Variants in TESC observed in about 807,000 individuals in gnomAD.
TESC encodes the protein calcineurin B homologous protein 3.
A neutral mutation model predicts 31.0 loss-of-function variants in TESC; 19 were observed. That is an observed-to-expected ratio of 0.61 (90% CI 0.43 to 0.90). TESC has a LOEUF of 0.90. Ranked by LOEUF, TESC falls within the 40% of genes least tolerant of loss-of-function variation. TESC has a pLI of 0.00. For synonymous variants in TESC, 109 were observed against 114.8 expected, an observed-to-expected ratio of 0.95 and a Z score of 0.32; for missense variants, 248 against 303.8, an observed-to-expected ratio of 0.82 and a Z score of 1.36.
intron 6 of TESC, among the ~76,000 whole-genome samples, chr12:117,046,017 T>C (rs1030104017): frequency 3.3e-5 from 5 of 152,308 alleles, no homozygotes; most frequent in Middle Eastern, 3.4e-3. Context: ...TGAGGCAAGA[T>C]GTAATAAATG....
chr12:117,079,752 C>T (rs1284068659), intron 1 of TESC, among the ~76,000 whole-genome samples: 1 of 152,040 alleles, frequency 6.6e-6, no homozygotes, highest in Non-Finnish European at 1.5e-5. Flanking sequence ...GAGACACTGT[C>T]AATGGGCACT....
intron 6 of TESC, among the ~76,000 whole-genome samples, chr12:117,043,523 G>A (rs1954515228): frequency 6.6e-6 from 1 of 152,120 alleles, no homozygotes; most frequent in Non-Finnish European, 1.5e-5. Flanking sequence ...GCAGTGGCGC[G>A]ATCTTGGCTC....
intron 2 of TESC, among the ~76,000 whole-genome samples, chr12:117,072,574 T>C (rs1445561916): frequency 6.6e-6 from 1 of 152,204 alleles, no homozygotes; most frequent in Non-Finnish European, 1.5e-5. Context: ...AATATGAACC[T>C]AAAGTTCACC....
At chr12:117,067,098 C>T (rs939516784) in intron 2 of TESC, among the ~76,000 whole-genome samples, 1 of 152,128 alleles carries the variant, frequency 6.6e-6, no homozygotes, top group African/African-American at 2.4e-5. Context: ...TTCTGGGCAT[C>T]TTTACAGCTA....
chr12:117,041,174 G>A (rs58470318), intron 7 of TESC, among the ~76,000 whole-genome samples: 57,338 of 152,096 alleles, frequency 0.38, 11,529 homozygotes, highest in African/African-American at 0.51. Context: ...AGCCATCAGG[G>A]AGGAGGGCAG....
intron 1 of TESC, among the ~76,000 whole-genome samples, chr12:117,091,865 G>T (rs552306780): frequency 4.6e-5 from 7 of 152,300 alleles, no homozygotes; most frequent in Admixed American, 1.3e-4. Flanking sequence ...AGGTTGTGGG[G>T]TAACAGCATG....
At position 117,048,369 on chromosome 12, in the gene TESC, T is replaced by C. The variant is rs542828252; in HGVS notation, c.349+650A>G. On this transcript the variant is annotated intron_variant, in intron 4 of 7. Coordinates refer to ENST00000335209, the MANE Select transcript of TESC (RefSeq NM_017899.4). ...CAGTGCTAAATATAGCGAAGTCCCA[T>C]GTTTACATTTTCTTGATGAGGAGGC... Among the ~76,000 whole-genome samples, 3 of 152,176 alleles carry C rather than the reference T, an allele frequency of 2.0e-5. No homozygotes were observed. The East Asian group carries it at 5.8e-4, about 29-fold the overall frequency.
rs1296967139 is a variant in TESC at position 117,075,909 on chromosome 12, A to ATG, written c.59-570_59-569insCA. ...TATATATATATATATATATATATAT[A>ATG]TATATGTGTGTGTGTATATATATAT... On this transcript the variant is annotated intron_variant, in intron 1 of 7. Coordinates refer to ENST00000335209, the MANE Select transcript of TESC (RefSeq NM_017899.4). 2.5e-3 allele frequency among the ~76,000 whole-genome samples: 153 copies of ATG among 61,256 alleles called. 8 individuals are homozygous for ATG. The highest frequency in any genetic ancestry group is 0.01 in the African/African-American group (103 of 9,916). The allele number at this position is 61,256 out of a possible 152,430, so 40.2% of individuals were successfully genotyped here. A position where few individuals can be genotyped will look rare whatever the true frequency, so the allele number is the denominator to read the frequency against.
intron 1 of TESC, among the ~76,000 whole-genome samples, chr12:117,098,850 T>C (rs984271124): frequency 1.3e-5 from 2 of 151,462 alleles, no homozygotes; most frequent in African/African-American, 4.8e-5. Context: ...CGCTCACGAA[T>C]GCAAACGACT....
At position 117,049,903 on chromosome 12, in the gene TESC, GAAAAAA is replaced by G. The variant is rs66797686; in HGVS notation, c.210-751_210-746del. Among the ~76,000 whole-genome samples the G allele has an allele frequency of 1.9e-4, 16 of 86,452 alleles. No individual in the cohort carries two copies. In the South Asian group the frequency reaches 4.0e-3, roughly 22 times the overall value. 56.7% of individuals were successfully genotyped at this position (86,452 alleles called of 152,430 possible). On this transcript the variant is annotated intron_variant, in intron 3 of 7. Coordinates refer to ENST00000335209, the MANE Select transcript of TESC (RefSeq NM_017899.4). The stretch of plus-strand genomic sequence containing the variant: ...GTGACAGAGGGAGACCCTGTCTCAA[GAAAAAA>G]AAAAAAAAAAAAAAAGGAAGAAGAG...
chr12:117,068,312 CT>C (rs1954915373), intron 2 of TESC, among the ~76,000 whole-genome samples: 1 of 152,084 alleles, frequency 6.6e-6, no homozygotes, highest in South Asian at 2.1e-4. Context: ...GGTGGATCAC[CT>C]GAGGTCAGGA....
In TESC at chr12:117,049,112, C is replaced by A; in HGVS notation, c.256G>T (p.Glu86Ter). 1 of 1,614,188 alleles carries A rather than the reference C, an allele frequency of 6.2e-7. No individual in the cohort carries two copies. The highest frequency in any genetic ancestry group is 8.5e-7 in the Non-Finnish European group (1 of 1,180,032). Residue 86 changes from glutamate to a stop codon, truncating the protein, a stop_gained, in exon 4 of 8, where the codon GAG becomes TAG. Transcript: ENST00000335209. LOFTEE classifies it high-confidence loss of function. ...TAGGACATGATGGTCAGGAAGTCCT[C>A]GAAATTGATCTCATCAGCCAGGCCA... ...PSGLADEINF[E>*]DFLTIMSYFR...
rs570698092 is a variant in TESC at position 117,042,260 on chromosome 12, G to A, written c.520-266C>T. ...TCGCTCACCAGGGCCCTGGCAACGT[G>A]TGGCTCAGAGCAGCCTCCCTCCCCT... On this transcript the variant is annotated intron_variant, in intron 6 of 7. Coordinates refer to ENST00000335209, the MANE Select transcript of TESC (RefSeq NM_017899.4). Among the ~76,000 whole-genome samples the A allele has an allele frequency of 1.4e-4, 21 of 152,220 alleles. No homozygotes were observed. The South Asian group carries it at 3.7e-3, about 27-fold the overall frequency.
chr12:117,080,647 G>T (rs1310121234), intron 1 of TESC, among the ~76,000 whole-genome samples: 2 of 152,190 alleles, frequency 1.3e-5, no homozygotes, highest in East Asian at 3.9e-4. Context: ...GAGAAAGGAT[G>T]ATTTCCGAAG....
At chr12:117,057,038 T>G (rs149348740) in intron 2 of TESC, 152 bp from the exon 3 acceptor site, 32 of 719,546 alleles carry the variant, frequency 4.4e-5, no homozygotes, top group Non-Finnish European at 7.1e-5. Context: ...TGGAATACGC[T>G]TCACTTATCT....
chr12:117,049,202 G>A lies in TESC; in HGVS notation c.210-44C>T, dbSNP rs145583765. The A allele has an allele frequency of 5.1e-4, 822 of 1,612,832 alleles. 4 individuals are homozygous for A. The African/African-American group carries it at 8.8e-3, about 17-fold the overall frequency. On this transcript the variant is annotated intron_variant, in intron 3 of 7. Transcript: ENST00000335209. ...GGGTGTTGGAAATAAATGAAGAACTGGATCTTGTCCTCTTGCTACCATTAG... is the reference window on the plus strand; with the variant it reads ...GGGTGTTGGAAATAAATGAAGAACTAGATCTTGTCCTCTTGCTACCATTAG...
At chr12:117,075,869 A>ATATGTGTGTG (rs1955049402) in intron 1 of TESC, among the ~76,000 whole-genome samples, 16 of 31,446 alleles carry the variant, frequency 5.1e-4, no homozygotes, top group African/African-American at 1.3e-3. Context: ...ATATATATAT[A>ATATGTGTGTG]TGTGTGTATA....
intron 2 of TESC, among the ~76,000 whole-genome samples, chr12:117,058,466 A>G (rs1954760252): frequency 6.6e-6 from 1 of 151,402 alleles, no homozygotes; most frequent in Non-Finnish European, 1.5e-5. Context: ...TATTGACTGC[A>G]GTGCTGGATG....
chr12:117,081,423 A>G (rs1955146087), intron 1 of TESC, among the ~76,000 whole-genome samples: 1 of 152,194 alleles, frequency 6.6e-6, no homozygotes, highest in Non-Finnish European at 1.5e-5. Context: ...ATATTACATA[A>G]TGTAATTACA....
Sources: allele counts gnomAD v4.1 joint callset (sites outside exome capture counted in the v4.1 genomes callset), GRCh38; gene constraint gnomAD v4.1.1; transcripts MANE v1.5; gene names NCBI Gene and HGNC (gene_info 2026-07-23, HGNC 2026-07-21).